NR3C2: variants seen among roughly 807,000 people sequenced by gnomAD.
NR3C2 encodes the protein nuclear receptor subfamily 3 group C member 2.
NR3C2 carries 15 observed loss-of-function variants against 86.4 expected under a neutral mutation model. The observed-to-expected ratio is 0.17, with a 90% confidence interval of 0.12 to 0.27. The LOEUF (loss-of-function observed/expected upper bound fraction) is 0.27, where lower values mean the gene tolerates loss of function less well. Among genes scored for constraint, NR3C2 ranks in the 10% least tolerant of loss-of-function variants. The probability of loss-of-function intolerance (pLI) is 1.00; values close to 1 mark genes in which losing one functional copy is unlikely to be tolerated. For missense variants in NR3C2, 960 were observed against 1,195.6 expected, an observed-to-expected ratio of 0.80 and a Z score of 2.91; for synonymous variants, 458 against 450.5, an observed-to-expected ratio of 1.02 and a Z score of -0.21.
chr4:148,362,948 T>G (rs1224264933), intron 2 of NR3C2, among the ~76,000 whole-genome samples: 1 of 152,210 alleles, frequency 6.6e-6, no homozygotes, highest in Non-Finnish European at 1.5e-5. Context: ...TTTATTCCAT[T>G]TCTCTTTCTC....
At chr4:148,127,902 C>T (rs1732826387) in intron 6 of NR3C2, among the ~76,000 whole-genome samples, 1 of 152,190 alleles carries the variant, frequency 6.6e-6, no homozygotes, top group Non-Finnish European at 1.5e-5. Flanking sequence ...AAACTAAAAT[C>T]ATATGATCAT....
Position 148,435,915 on chromosome 4 carries a change from T to C in NR3C2, c.946A>G (p.Thr316Ala), listed in dbSNP as rs1750036994. ...CTGGAAAGCGTGGATCTGTTATTAG[T>C]GTTCGAAGGGCTGGAAACAGAGCAC... ...SRCSVSSPSNTNNRSTLSSPA... is the reference protein window; with the variant it reads ...SRCSVSSPSNANNRSTLSSPA... Residue 316 changes from threonine to alanine, a missense_variant, in exon 2 of 9, where the codon ACT becomes GCT. Physicochemically the swap from Thr to Ala is moderately conservative, Grantham distance 58. Transcript: ENST00000358102. 3.7e-6 allele frequency: 6 copies of C among 1,614,144 alleles called. No individual in the cohort carries two copies. Among genetic ancestry groups the C allele is most frequent in the East Asian group, 2.2e-5 (1 of 44,882 alleles).
intron 3 of NR3C2, among the ~76,000 whole-genome samples, chr4:148,241,075 G>A (rs1739007636): frequency 1.3e-5 from 2 of 151,992 alleles, no homozygotes; most frequent in African/African-American, 4.8e-5. Context: ...GGAGGCAGAC[G>A]TGGGAGGATC....
intron 2 of NR3C2, among the ~76,000 whole-genome samples, chr4:148,358,709 G>C (rs957542822): frequency 1.3e-5 from 2 of 151,920 alleles, no homozygotes; most frequent in Admixed American, 1.3e-4. Flanking sequence ...TTTAATCACT[G>C]AGGTTTTAAA....
At chr4:148,440,756 CTG>C (rs1579302568) in intron 1 of NR3C2, among the ~76,000 whole-genome samples, 1 of 152,280 alleles carries the variant, frequency 6.6e-6, no homozygotes, top group East Asian at 1.9e-4. Flanking sequence ...GTTTTACAGT[CTG>C]TGTTAAATTG....
intron 2 of NR3C2, among the ~76,000 whole-genome samples, chr4:148,355,719 G>A (rs943248856): frequency 6.6e-6 from 1 of 152,188 alleles, no homozygotes; most frequent in Non-Finnish European, 1.5e-5. Flanking sequence ...AAGCTAGGAG[G>A]TCCACTATGA....
intron 3 of NR3C2, among the ~76,000 whole-genome samples, chr4:148,222,194 A>C (rs1401184331): frequency 2.0e-5 from 3 of 152,178 alleles, no homozygotes; most frequent in African/African-American, 7.2e-5. Context: ...AATTAAATGA[A>C]GCCTCATTGG....
intron 2 of NR3C2, among the ~76,000 whole-genome samples, chr4:148,317,288 G>C (rs1321973918): frequency 6.6e-6 from 1 of 151,584 alleles, no homozygotes; most frequent in Non-Finnish European, 1.5e-5. Context: ...CCGGGAGGTG[G>C]AGGTTGTGGT....
At chr4:148,180,264 A>C (rs1735586555) in intron 4 of NR3C2, among the ~76,000 whole-genome samples, 1 of 151,642 alleles carries the variant, frequency 6.6e-6, no homozygotes, top group South Asian at 2.1e-4. Context: ...AAGTAAAAAG[A>C]TCTCTCTCTG....
chr4:148,148,646 C>A lies in NR3C2; in HGVS notation c.2510+3823G>T, dbSNP rs1206796764. On this transcript the variant is annotated intron_variant, in intron 6 of 8. Transcript: ENST00000358102. ...ATGCTGGTCTCTCAGGCTAGATCAA[C>A]TTTCCTCCTCGTATACTTCCTTCAC... 2.0e-5 allele frequency among the ~76,000 whole-genome samples: 3 copies of A among 152,188 alleles called. No individual in the cohort carries two copies. In the East Asian group the frequency reaches 5.8e-4, roughly 29 times the overall value.
chr4:148,135,086 G>A (rs1733236116), intron 6 of NR3C2, among the ~76,000 whole-genome samples: 1 of 152,148 alleles, frequency 6.6e-6, no homozygotes, highest in South Asian at 2.1e-4. Flanking sequence ...ATGTGAGAGG[G>A]AAGGAAAGGG....
In NR3C2 at chr4:148,435,939, A is replaced by G; in HGVS notation, c.922T>C (p.Cys308Arg). The stretch of plus-strand genomic sequence containing the variant: ...GTGTTCGAAGGGCTGGAAACAGAGC[A>G]CCTTGAGTTGTTAATATTTGCAGGG... ...SSPANINNSR[C>R]SVSSPSNTNN... The change falls in exon 2 of 9, where the codon TGC becomes CGC. Residue 308 changes from cysteine to arginine, a missense_variant. Transcript: ENST00000358102. 6.2e-7 allele frequency: 1 copy of G among 1,614,196 alleles called. No individual in the cohort carries two copies. The highest frequency in any genetic ancestry group is 8.5e-7 in the Non-Finnish European group (1 of 1,180,034).
At chr4:148,112,307 T>C (rs369886777) in intron 8 of NR3C2, among the ~76,000 whole-genome samples, 1 of 152,218 alleles carries the variant, frequency 6.6e-6, no homozygotes, top group Non-Finnish European at 1.5e-5. Context: ...TATAATCACA[T>C]GAATTTTGAT....
At chr4:148,241,721 T>C (rs1739057884) in intron 3 of NR3C2, among the ~76,000 whole-genome samples, 1 of 152,196 alleles carries the variant, frequency 6.6e-6, no homozygotes, top group Non-Finnish European at 1.5e-5. Flanking sequence ...CTAGAACTTA[T>C]TCTCTGTGAG....
intron 2 of NR3C2, among the ~76,000 whole-genome samples, chr4:148,356,337 C>T (rs1282355586): frequency 2.0e-5 from 3 of 152,158 alleles, no homozygotes; most frequent in Non-Finnish European, 4.4e-5. Flanking sequence ...TCACATTCTG[C>T]GTGTGCCTCT....
Position 148,260,212 on chromosome 4 carries a change from C to G in NR3C2, c.1758-95G>C, listed in dbSNP as rs138873191. The G allele has an allele frequency of 1.7e-5, 26 of 1,489,346 alleles. No homozygotes were observed. The African/African-American group carries it at 3.2e-4, about 18-fold the overall frequency. 92.3% of individuals were successfully genotyped at this position (1,489,346 alleles called of 1,614,324 possible). On this transcript the variant is annotated intron_variant, in intron 2 of 8. Coordinates refer to ENST00000358102, the MANE Select transcript of NR3C2 (RefSeq NM_000901.5). The stretch of plus-strand genomic sequence containing the variant: ...TCAAAATTTGTCAATAATCATGGTT[C>G]GATACAAGAATTCAGTGTGTAATGA...
intron 2 of NR3C2, among the ~76,000 whole-genome samples, chr4:148,420,478 TTCCC>T (rs1490212413): frequency 6.6e-6 from 1 of 152,210 alleles, no homozygotes; most frequent in Non-Finnish European, 1.5e-5. Context: ...TTTCTAACTG[TTCCC>T]TCCCTATGTT....
At chr4:148,426,601 A>G (rs1749543207) in intron 2 of NR3C2, among the ~76,000 whole-genome samples, 1 of 152,052 alleles carries the variant, frequency 6.6e-6, no homozygotes, top group Non-Finnish European at 1.5e-5. Context: ...TCTCTACATA[A>G]TTCTGTCTCC....
chr4:148,389,322 G>A (rs956215415), intron 2 of NR3C2, among the ~76,000 whole-genome samples: 1 of 152,210 alleles, frequency 6.6e-6, no homozygotes, highest in Non-Finnish European at 1.5e-5. Context: ...GGAATAGAAA[G>A]ATGGCAGGTG....
Sources: allele counts gnomAD v4.1 joint callset (sites outside exome capture counted in the v4.1 genomes callset), GRCh38; gene constraint gnomAD v4.1.1; transcripts MANE v1.5; gene names NCBI Gene and HGNC (gene_info 2026-07-23, HGNC 2026-07-21).